Variants in NCALD observed in about 807,000 individuals in gnomAD.
NCALD encodes neurocalcin-delta.
A neutral mutation model predicts 18.6 loss-of-function variants in NCALD; 10 were observed. The observed-to-expected ratio is 0.54, with a 90% CI of 0.33 to 0.91. The LOEUF (loss-of-function observed/expected upper bound fraction) is 0.91. NCALD is among the 40% of genes least tolerant of loss of function. The probability of loss-of-function intolerance (pLI) is 0.03; values close to 1 mark genes in which losing one functional copy is unlikely to be tolerated. For synonymous variants in NCALD, 88 were observed against 87.4 expected (o/e 1.01, Z -0.04); for missense variants, 184 against 247.6 (o/e 0.74, Z 1.72).
chr8:101,871,838 C>A (rs1816032940), intron 4 of NCALD: 3 of 516,050 alleles, frequency 5.8e-6, no homozygotes, highest in Non-Finnish European at 3.5e-6. Flanking sequence ...CCTCAGTCAC[C>A]CTTGGAATCG....
At chr8:101,950,523 TC>T (rs1819372891) in intron 2 of NCALD, among the ~76,000 whole-genome samples, 2 of 152,206 alleles carry the variant, frequency 1.3e-5, no homozygotes, top group Non-Finnish European at 2.9e-5. Context: ...TCGTCAGCCC[TC>T]CCTCTGCTGT....
chr8:101,719,620 G>C lies in NCALD; in HGVS notation c.10C>G (p.Gln4Glu). The C allele has an allele frequency of 6.4e-7, 1 of 1,572,796 alleles. No homozygotes were observed. Among genetic ancestry groups the C allele is most frequent in the Non-Finnish European group, 8.6e-7 (1 of 1,162,356 alleles). The change falls in exon 2 of 4, where the codon CAG becomes GAG. Residue 4 changes from glutamine to glutamate, a missense_variant. Coordinates refer to ENST00000220931, the MANE Select transcript of NCALD (RefSeq NM_032041.3). The part of the protein sequence containing the change: MGK[Q>E]NSKLRPEVMQ... The stretch of plus-strand genomic sequence containing the variant: ...ACCTCCGGGCGCAGCTTGCTGTTCT[G>C]TTTCCCCATCCTGGCGGCAAGAATT...
chr8:102,113,394 A>T (rs1449229115), intron 1 of NCALD, among the ~76,000 whole-genome samples: 1 of 152,224 alleles, frequency 6.6e-6, no homozygotes, highest in Non-Finnish European at 1.5e-5. Context: ...AAAGCAGGGT[A>T]ACAAAGTGTA....
At chr8:102,103,293 A>G (rs1008327203) in intron 1 of NCALD, among the ~76,000 whole-genome samples, 3 of 152,142 alleles carry the variant, frequency 2.0e-5, no homozygotes, top group African/African-American at 7.2e-5. Flanking sequence ...ACACCTAGTG[A>G]GTGTTTGCTT....
At chr8:101,935,899 A>G (rs1177061860) in intron 2 of NCALD, among the ~76,000 whole-genome samples, 1 of 151,824 alleles carries the variant, frequency 6.6e-6, no homozygotes, top group Non-Finnish European at 1.5e-5. Flanking sequence ...AGCCAATTGC[A>G]GAAGCCAAGT....
At chr8:101,924,163 G>A (rs1031540017) in intron 2 of NCALD, among the ~76,000 whole-genome samples, 4 of 152,086 alleles carry the variant, frequency 2.6e-5, no homozygotes, top group African/African-American at 9.7e-5. Flanking sequence ...ATGAAACTCT[G>A]AGAACATTTA....
intron 1 of NCALD, among the ~76,000 whole-genome samples, chr8:101,778,008 C>T (rs1434108303): frequency 6.6e-6 from 1 of 152,128 alleles, no homozygotes; most frequent in Non-Finnish European, 1.5e-5. Context: ...ACAGTCAAGG[C>T]AATTAATAAA....
chr8:102,090,093 G>T (rs1162440302), intron 1 of NCALD, among the ~76,000 whole-genome samples: 1 of 152,108 alleles, frequency 6.6e-6, no homozygotes, highest in South Asian at 2.1e-4. Flanking sequence ...TGGCTTATTT[G>T]GTACAAAAAG....
intron 3 of NCALD, among the ~76,000 whole-genome samples, chr8:101,896,590 G>T (rs1313226185): frequency 6.6e-6 from 1 of 151,910 alleles, no homozygotes; most frequent in African/African-American, 2.4e-5. Context: ...CCTACAAAAT[G>T]GGAGAAAATT....
At chr8:101,708,002 C>T (rs996336763) in intron 2 of NCALD, among the ~76,000 whole-genome samples, 2 of 152,182 alleles carry the variant, frequency 1.3e-5, no homozygotes, top group Non-Finnish European at 2.9e-5. Context: ...ATTCTAACCT[C>T]GTCTTTAAAG....
intron 4 of NCALD, among the ~76,000 whole-genome samples, chr8:101,826,605 T>C (rs748760010): frequency 7.9e-5 from 12 of 152,238 alleles, no homozygotes; most frequent in Non-Finnish European, 1.6e-4. Flanking sequence ...TGTGTGTGGG[T>C]GATTTGAAAT....
At chr8:102,055,244 A>G (rs1267318819) in intron 1 of NCALD, among the ~76,000 whole-genome samples, 1 of 143,298 alleles carries the variant, frequency 7.0e-6, no homozygotes, top group Non-Finnish European at 1.6e-5. Context: ...AGTCACATTC[A>G]TGATATGAAA....
At chr8:101,874,594 G>A (rs1816152679) in intron 4 of NCALD, among the ~76,000 whole-genome samples, 1 of 152,204 alleles carries the variant, frequency 6.6e-6, no homozygotes, top group East Asian at 1.9e-4. Flanking sequence ...CTGGAGTGTA[G>A]TGGCACAATC....
intron 2 of NCALD, among the ~76,000 whole-genome samples, chr8:101,959,820 G>A (rs1819769265): frequency 6.6e-6 from 1 of 152,080 alleles, no homozygotes; most frequent in Non-Finnish European, 1.5e-5. Context: ...TGGGCACTAG[G>A]TGTGCTCATA....
intron 4 of NCALD, among the ~76,000 whole-genome samples, chr8:101,798,779 A>G (rs181998912): frequency 6.6e-6 from 1 of 152,378 alleles, no homozygotes; most frequent in East Asian, 1.9e-4. Flanking sequence ...ACGATGATCA[A>G]GACTGTGGGA....
At chr8:101,829,133 C>A (rs7828175) in intron 4 of NCALD, among the ~76,000 whole-genome samples, 105,581 of 151,988 alleles carry the variant, frequency 0.69, 37,358 homozygotes, top group Middle Eastern at 0.77. Context: ...TCTCACCTTC[C>A]TTCTTCATGA....
chr8:102,000,009 T>C (rs992743083), intron 2 of NCALD, among the ~76,000 whole-genome samples: 12 of 152,104 alleles, frequency 7.9e-5, no homozygotes, highest in Non-Finnish European at 1.2e-4. Context: ...ACCGGGTGTA[T>C]CTCACTGGGG....
intron 4 of NCALD, among the ~76,000 whole-genome samples, chr8:101,845,212 C>A (rs993760723): frequency 6.6e-6 from 1 of 152,176 alleles, no homozygotes; most frequent in African/African-American, 2.4e-5. Flanking sequence ...GTCAGCTGAA[C>A]TAAAGAGTGA....
intron 4 of NCALD, among the ~76,000 whole-genome samples, chr8:101,845,178 G>C (rs1814815463): frequency 6.6e-6 from 1 of 152,204 alleles, no homozygotes; most frequent in Admixed American, 6.5e-5. Context: ...TAATTTCTTT[G>C]AGAAAGTCTT....
Sources: allele counts gnomAD v4.1 joint callset (sites outside exome capture counted in the v4.1 genomes callset), GRCh38; gene constraint gnomAD v4.1.1; transcripts MANE v1.5; gene names NCBI Gene and HGNC (gene_info 2026-07-23, HGNC 2026-07-21).